Variants in SMIM45 observed in about 807,000 individuals in gnomAD.
SMIM45 encodes long intergenic non-protein coding RNA 634.
At chr22:41,951,071 G>A in the SMIM45 span, among the ~76,000 whole-genome samples, 2 of 152,244 alleles carry the variant, frequency 1.3e-5, no homozygotes, top group African/African-American at 4.8e-5. Flanking sequence ...TACCTGAAGA[G>A]CCCCTAGATG....
At chr22:41,948,490 T>C in the SMIM45 span, among the ~76,000 whole-genome samples, 4 of 152,274 alleles carry the variant, frequency 2.6e-5, no homozygotes, top group East Asian at 3.9e-4. Context: ...ACTAACTGTG[T>C]CTTGCTCAGA....
At chr22:41,954,525 T>C in the SMIM45 span, among the ~76,000 whole-genome samples, 2 of 152,008 alleles carry the variant, frequency 1.3e-5, no homozygotes, top group Admixed American at 1.3e-4. Flanking sequence ...GCTTTTGAAG[T>C]ATGAGTAGGA....
At chr22:41,948,833 C>T in the SMIM45 span, among the ~76,000 whole-genome samples, 3 of 152,178 alleles carry the variant, frequency 2.0e-5, no homozygotes, top group East Asian at 3.9e-4. Context: ...GAGGCCGAGG[C>T]GGGCGGATCA....
chr22:41,947,494 A>C, the SMIM45 span, among the ~76,000 whole-genome samples: 1 of 151,622 alleles, frequency 6.6e-6, no homozygotes, highest in South Asian at 2.1e-4. Flanking sequence ...CAGCCTCCCA[A>C]GGAGCTGGGA....
the SMIM45 span, among the ~76,000 whole-genome samples, chr22:41,956,602 C>G: frequency 6.6e-6 from 1 of 152,216 alleles, no homozygotes; most frequent in Non-Finnish European, 1.5e-5. Flanking sequence ...ACAAGGAGAC[C>G]AGAGGAGGCA....
the SMIM45 span, among the ~76,000 whole-genome samples, chr22:41,956,240 G>T: frequency 2.6e-5 from 4 of 152,046 alleles, no homozygotes; most frequent in African/African-American, 9.7e-5. Context: ...CGAAGTCCTG[G>T]GCTCAAGCAA....
the SMIM45 span, chr22:41,958,263 G>T: frequency 2.2e-6 from 1 of 456,070 alleles, no homozygotes; most frequent in Non-Finnish European, 4.4e-6. Context: ...TCATTTCTTC[G>T]TGAAGTCCCC....
chr22:41,949,513 G>T, the SMIM45 span, among the ~76,000 whole-genome samples: 1 of 152,256 alleles, frequency 6.6e-6, no homozygotes, highest in South Asian at 2.1e-4. Flanking sequence ...AAGAACAGGG[G>T]AGGAGGTGAG....
the SMIM45 span, among the ~76,000 whole-genome samples, chr22:41,951,725 T>C: frequency 6.6e-6 from 1 of 152,220 alleles, no homozygotes; most frequent in Non-Finnish European, 1.5e-5. Flanking sequence ...ATAGGAAATG[T>C]TACATTGAGC....
At chr22:41,953,515 G>A in the SMIM45 span, among the ~76,000 whole-genome samples, 1 of 152,210 alleles carries the variant, frequency 6.6e-6, no homozygotes, top group Non-Finnish European at 1.5e-5. Context: ...TAGTGAGCCT[G>A]TCTGGGCCTC....
the SMIM45 span, among the ~76,000 whole-genome samples, chr22:41,955,869 TTACAGA>T: frequency 6.6e-6 from 1 of 152,078 alleles, no homozygotes; most frequent in Non-Finnish European, 1.5e-5. Context: ...TATCCCCATT[TTACAGA>T]TAAGGAAACT....
chr22:41,958,508 G>GAGAGAGAGAGAGAGAT, the SMIM45 span: 1 of 395,802 alleles, frequency 2.5e-6, no homozygotes. Context: ...GAGAGAGAGA[G>GAGAGAGAGAGAGAGAT]TCTGGGGGGA....
chr22:41,952,110 A>C, the SMIM45 span: 1 of 152,654 alleles, frequency 6.6e-6, no homozygotes, highest in African/African-American at 2.4e-5. Flanking sequence ...GACAGGTCCC[A>C]CCTCCTGCCA....
At chr22:41,955,861 T>G in the SMIM45 span, among the ~76,000 whole-genome samples, 1 of 151,538 alleles carries the variant, frequency 6.6e-6, no homozygotes, top group South Asian at 2.1e-4. Context: ...GCTATTTCTA[T>G]CCCCATTTTA....
chr22:41,956,850 G>A, the SMIM45 span, among the ~76,000 whole-genome samples: 7 of 152,188 alleles, frequency 4.6e-5, no homozygotes, highest in Non-Finnish European at 7.4e-5. Context: ...GCACAGTGGC[G>A]CGATCTTGGC....
the SMIM45 span, among the ~76,000 whole-genome samples, chr22:41,955,760 G>C: frequency 1.1e-3 from 172 of 150,424 alleles, no homozygotes; most frequent in African/African-American, 3.9e-3. Flanking sequence ...GAGCCGAGAT[G>C]GCGCCACTGC....
the SMIM45 span, among the ~76,000 whole-genome samples, chr22:41,949,131 C>G: frequency 6.6e-6 from 1 of 151,202 alleles, no homozygotes; most frequent in African/African-American, 2.4e-5. Flanking sequence ...TGTAATACCA[C>G]CTACTCGGGA....
At chr22:41,947,367 C>CT in the SMIM45 span, among the ~76,000 whole-genome samples, 104 of 132,962 alleles carry the variant, frequency 7.8e-4, 1 homozygote, top group East Asian at 1.5e-3. Context: ...ATACACAGTA[C>CT]TTTTTTTTTT....
chr22:41,948,036 A>G, the SMIM45 span, among the ~76,000 whole-genome samples: 1 of 152,190 alleles, frequency 6.6e-6, no homozygotes, highest in East Asian at 1.9e-4. Flanking sequence ...CAGCCTGAGT[A>G]CAGAGCTGTC....
Sources: gnomAD v4.1 joint callset for allele counts (sites outside exome capture counted in the v4.1 genomes callset) on GRCh38, gnomAD v4.1.1 for gene constraint, MANE v1.5 for transcripts, NCBI Gene and HGNC (gene_info 2026-07-23, HGNC 2026-07-21) for gene names.